Variants in RABGAP1L observed in about 807,000 individuals in gnomAD.
RABGAP1L encodes the protein RAB GTPase activating protein 1 like.
In RABGAP1L, 63 loss-of-function variants were observed where a neutral mutation model predicts 137.7. The observed-to-expected ratio is 0.46, with a 90% CI of 0.37 to 0.56. The LOEUF (loss-of-function observed/expected upper bound fraction) is 0.56, where lower values mean the gene tolerates loss of function less well. Ranked by LOEUF, RABGAP1L falls within the 20% of genes least tolerant of loss-of-function variation. The pLI, the probability that RABGAP1L is intolerant of heterozygous loss-of-function variation, is 0.00. For synonymous variants in RABGAP1L, 431 were observed against 433.7 expected (o/e 0.99, Z 0.08); for missense variants, 1,095 against 1,244.0 (o/e 0.88, Z 1.80).
chr1:174,863,145 C>T (rs371236451), intron 19 of RABGAP1L, among the ~76,000 whole-genome samples: 32 of 139,966 alleles, frequency 2.3e-4, no homozygotes, highest in East Asian at 2.2e-3. Flanking sequence ...CCACCCACCT[C>T]GGCGTCCCAA....
intron 11 of RABGAP1L, among the ~76,000 whole-genome samples, chr1:174,330,351 A>G (rs1408526028): frequency 6.6e-6 from 1 of 152,310 alleles, no homozygotes; most frequent in East Asian, 1.9e-4. Context: ...AGGCTGAGGC[A>G]GGAGGATCTC....
At chr1:174,893,052 C>A (rs1266843665) in intron 19 of RABGAP1L, 1 of 295,266 alleles carries the variant, frequency 3.4e-6, no homozygotes. Flanking sequence ...AGCCAGGCTA[C>A]CTCATTTCTG....
chr1:174,258,775 G>GT lies in RABGAP1L; in HGVS notation c.986+6194dup, dbSNP rs148580279. On this transcript the variant is annotated intron_variant, in intron 7 of 25. Transcript: ENST00000681986. Reference sequence around the variant, plus strand: ...TTATGTAAAATTATCAACATTCTGGGTTTTTTTTTGTTTGTTTTTGGTGAC... The same window carrying GT: ...TTATGTAAAATTATCAACATTCTGGGTTTTTTTTTTGTTTGTTTTTGGTGAC... Among the ~76,000 whole-genome samples, 264 of 150,956 alleles carry GT rather than the reference G, an allele frequency of 1.7e-3. 4 individuals carry two copies. The highest frequency in any genetic ancestry group is 2.0e-3 in the Non-Finnish European group (136 of 67,650).
At chr1:174,906,859 AG>A (rs200909085) in intron 19 of RABGAP1L, among the ~76,000 whole-genome samples, 2,288 of 151,550 alleles carry the variant, frequency 0.015, 164 homozygotes, top group Admixed American at 0.12. Context: ...AAAACCATAT[AG>A]GCCATGAGGG....
chr1:174,460,579 C>A (rs1408139466), intron 13 of RABGAP1L, among the ~76,000 whole-genome samples: 1 of 152,012 alleles, frequency 6.6e-6, no homozygotes, highest in East Asian at 1.9e-4. Context: ...GGAAGAAATA[C>A]TGAAGCAAAC....
intron 19 of RABGAP1L, among the ~76,000 whole-genome samples, chr1:174,907,462 G>A (rs1659282965): frequency 6.6e-6 from 1 of 151,940 alleles, no homozygotes; most frequent in African/African-American, 2.4e-5. Context: ...GCAGGTGTGT[G>A]CCACCACACC....
In RABGAP1L at chr1:174,614,740, C is replaced by T. The variant is rs1203642596; in HGVS notation, c.1711-22635C>T. On this transcript the variant is annotated intron_variant, in intron 13 of 25. Transcript: ENST00000681986. ...CAATCAGACGTAGATTTGGTCTTTT[C>T]ACATAGTCCCATATTTCTTGGAGGC... Among the ~76,000 whole-genome samples, 4 of 152,204 alleles carry T rather than the reference C, an allele frequency of 2.6e-5. No individual in the cohort carries two copies. The South Asian group carries it at 6.2e-4, about 24-fold the overall frequency.
At chr1:174,205,396 G>T (rs1191898862) in intron 1 of RABGAP1L, among the ~76,000 whole-genome samples, 1 of 152,094 alleles carries the variant, frequency 6.6e-6, no homozygotes, top group Non-Finnish European at 1.5e-5. Flanking sequence ...GTAGAATTCA[G>T]CTGTGAATCC....
Position 174,988,843 on chromosome 1 carries a change from G to C in RABGAP1L, c.3003+5G>C. The C allele has an allele frequency of 6.5e-7, 1 of 1,534,122 alleles. No individual in the cohort carries two copies. The highest frequency in any genetic ancestry group is 8.8e-7 in the Non-Finnish European group (1 of 1,140,082). On this transcript the variant is annotated splice_donor_5th_base_variant and intron_variant, in intron 25 of 25. Coordinates refer to ENST00000681986, the MANE Select transcript of RABGAP1L (RefSeq NM_001366446.1). ...GAGGCCAAGTGTAAAATTCAGGTTG[G>C]TGATTTGATAAAAGAACAAGAAGAA...
At chr1:174,797,046 A>G (rs930509189) in intron 18 of RABGAP1L, among the ~76,000 whole-genome samples, 1 of 152,132 alleles carries the variant, frequency 6.6e-6, no homozygotes, top group Non-Finnish European at 1.5e-5. Flanking sequence ...CATTTAATAC[A>G]TAGTATATAT....
At chr1:174,866,166 G>T (rs1403341288) in intron 19 of RABGAP1L, among the ~76,000 whole-genome samples, 1 of 103,448 alleles carries the variant, frequency 9.7e-6, no homozygotes, top group Non-Finnish European at 2.0e-5. Context: ...AGAGAGAGAT[G>T]CCAGCCTGCC....
chr1:174,567,075 C>T (rs912460126), intron 13 of RABGAP1L, among the ~76,000 whole-genome samples: 4 of 151,962 alleles, frequency 2.6e-5, no homozygotes, highest in Admixed American at 1.3e-4. Context: ...TTCAGTGACA[C>T]TAAATATGTT....
chr1:174,825,678 T>G (rs1793313), intron 19 of RABGAP1L, among the ~76,000 whole-genome samples: 94,974 of 152,050 alleles, frequency 0.62, 32,009 homozygotes, highest in East Asian at 0.93. Context: ...AGGCCAGGAG[T>G]TTGAGACCAG....
chr1:174,712,278 C>T (rs767838047), intron 17 of RABGAP1L, among the ~76,000 whole-genome samples: 1 of 152,218 alleles, frequency 6.6e-6, no homozygotes, highest in Non-Finnish European at 1.5e-5. Context: ...TTGCTCTTTG[C>T]AGTAAATTTT....
At chr1:174,490,797 C>A (rs1048306113) in intron 13 of RABGAP1L, among the ~76,000 whole-genome samples, 1 of 152,036 alleles carries the variant, frequency 6.6e-6, no homozygotes, top group Non-Finnish European at 1.5e-5. Context: ...CGGTTTTTCC[C>A]GTTCTTCCCT....
intron 19 of RABGAP1L, among the ~76,000 whole-genome samples, chr1:174,927,088 TG>T (rs1403509723): frequency 1.3e-5 from 2 of 149,596 alleles, no homozygotes; most frequent in Admixed American, 1.3e-4. Context: ...AAAAAAAAAG[TG>T]GGGGGGCCAT....
intron 11 of RABGAP1L, among the ~76,000 whole-genome samples, chr1:174,332,243 C>G (rs1681093454): frequency 6.6e-6 from 1 of 152,178 alleles, no homozygotes; most frequent in Non-Finnish European, 1.5e-5. Flanking sequence ...ATGTGTAATT[C>G]AGGCTGTCAT....
chr1:174,461,188 T>TGAGA (rs1223586732), intron 13 of RABGAP1L, among the ~76,000 whole-genome samples: 1 of 152,172 alleles, frequency 6.6e-6, no homozygotes, highest in African/African-American at 2.4e-5. Flanking sequence ...TTTGTTGCAG[T>TGAGA]GATAATCTCT....
chr1:174,783,107 G>A (rs1273610710), intron 18 of RABGAP1L, among the ~76,000 whole-genome samples: 3 of 152,002 alleles, frequency 2.0e-5, no homozygotes, highest in Middle Eastern at 3.2e-3. Context: ...CAGACCCACC[G>A]TTGACTTCCA....
Sources: gnomAD v4.1 joint callset for allele counts (sites outside exome capture counted in the v4.1 genomes callset) on GRCh38, gnomAD v4.1.1 for gene constraint, MANE v1.5 for transcripts, NCBI Gene and HGNC (gene_info 2026-07-23, HGNC 2026-07-21) for gene names.